Variants in FGF14 observed in about 807,000 individuals in gnomAD.
FGF14 encodes the protein fibroblast growth factor homologous factor 4.
FGF14 carries 5 observed loss-of-function variants against 25.5 expected under a neutral mutation model. The ratio of observed to expected loss-of-function variants is 0.20; its 90% CI spans 0.10 to 0.41. The LOEUF is 0.41. Ranked by LOEUF, FGF14 falls within the 10% of genes least tolerant of loss-of-function variation. The pLI is 1.00. For missense variants in FGF14, 222 were observed against 320.1 expected (o/e 0.69, Z 2.34); for synonymous variants, 138 against 118.3 (o/e 1.17, Z -1.08).
intron 1 of FGF14, among the ~76,000 whole-genome samples, chr13:102,181,559 C>T (rs3858791): frequency 0.014 from 2,150 of 152,198 alleles, 50 homozygotes; most frequent in African/African-American, 0.046. Flanking sequence ...GGAGAGGAGG[C>T]GTTGTGCTGA....
chr13:102,117,071 C>T (rs150976467), intron 1 of FGF14, among the ~76,000 whole-genome samples: 20 of 152,292 alleles, frequency 1.3e-4, no homozygotes, highest in Non-Finnish European at 1.8e-4. Context: ...CCTGAGCCTA[C>T]GTTTTGCCTC....
chr13:102,090,832 C>T (rs775139397), intron 1 of FGF14, among the ~76,000 whole-genome samples: 4 of 152,234 alleles, frequency 2.6e-5, no homozygotes, highest in Admixed American at 6.5e-5. Context: ...TTTGTGTTTA[C>T]AAGCCTTGAA....
chr13:101,917,518 G>A (rs2033655522), upstream of FGF14, among the ~76,000 whole-genome samples: 1 of 152,014 alleles, frequency 6.6e-6, no homozygotes, highest in South Asian at 2.1e-4. Flanking sequence ...GGCTTGGTTG[G>A]GGCTTCTCGG....
intron 1 of FGF14, among the ~76,000 whole-genome samples, chr13:102,380,854 C>T (rs1431370191): frequency 1.3e-5 from 2 of 152,064 alleles, no homozygotes; most frequent in Non-Finnish European, 2.9e-5. Context: ...AGAGTCAGAA[C>T]CATTTTTAAT....
chr13:102,179,641 G>C lies in FGF14; in HGVS notation c.208+221830C>G, dbSNP rs867862553. Among the ~76,000 whole-genome samples the C allele has an allele frequency of 7.9e-5, 12 of 152,128 alleles. No individual in the cohort carries two copies. The South Asian group carries it at 1.4e-3, about 18-fold the overall frequency. On this transcript the variant is annotated intron_variant, in intron 1 of 4. Transcript: ENST00000376131. The stretch of plus-strand genomic sequence containing the variant: ...TCAGGGAAGTAAATTGAGACTTACA[G>C]TGGTTAAGTGATCTGTTGTGAAGTA...
intron 1 of FGF14, among the ~76,000 whole-genome samples, chr13:102,208,901 T>C (rs1488739914): frequency 1.3e-5 from 2 of 152,184 alleles, no homozygotes; most frequent in Non-Finnish European, 2.9e-5. Context: ...AACCACAATA[T>C]ATGAAATAGG....
rs1433293147 is a variant in FGF14, at chr13:101,850,481, T to C, written c.408+18244A>G. On this transcript the variant is annotated intron_variant, in intron 3 of 4. Coordinates refer to ENST00000376143, the MANE Select transcript of FGF14 (RefSeq NM_004115.4). ...AAGGCAATATATATATATATATATATATATATATATATATATATATATATA... is the reference window on the plus strand; with the variant it reads ...AAGGCAATATATATATATATATATACATATATATATATATATATATATATA... Among the ~76,000 whole-genome samples the C allele has an allele frequency of 2.9e-3, 3 of 1,034 alleles. 1 individual carries two copies. Among genetic ancestry groups the C allele is most frequent in the East Asian group, 0.033 (1 of 30 alleles). 0.7% of individuals were successfully genotyped at this position (1,034 alleles called of 152,430 possible).
intron 1 of FGF14, among the ~76,000 whole-genome samples, chr13:102,030,971 C>T (rs2041179786): frequency 1.3e-5 from 2 of 152,032 alleles, no homozygotes; most frequent in Admixed American, 1.3e-4. Context: ...TGCTGTCTCC[C>T]CATGAAACAT....
chr13:101,769,119 T>C lies in FGF14; in HGVS notation c.409-42309A>G, dbSNP rs143790711. On this transcript the variant is annotated intron_variant, in intron 3 of 4. Coordinates refer to ENST00000376143, the MANE Select transcript of FGF14 (RefSeq NM_004115.4). Reference sequence around the variant, plus strand: ...CTTAAAGCCCAGTAATAAAAAACAATGCAAGTTGATTTAAAAATGGACCAA... The same window carrying C: ...CTTAAAGCCCAGTAATAAAAAACAACGCAAGTTGATTTAAAAATGGACCAA... Among the ~76,000 whole-genome samples the C allele has an allele frequency of 1.6e-3, 238 of 152,168 alleles. 1 individual carries two copies. Among genetic ancestry groups the C allele is most frequent in the African/African-American group, 5.4e-3 (225 of 41,552 alleles).
At chr13:102,378,309 AG>A (rs2058088226) in intron 1 of FGF14, among the ~76,000 whole-genome samples, 2 of 152,106 alleles carry the variant, frequency 1.3e-5, no homozygotes, top group Non-Finnish European at 2.9e-5. Context: ...AAAGGGTATA[AG>A]GGAAATCTCT....
Position 101,718,617 on chromosome 13 carries a change from A to G in FGF14, c.*4214T>C, listed in dbSNP as rs1358520652. On this transcript the variant is annotated 3_prime_UTR_variant, in exon 5 of 5. Coordinates refer to ENST00000376143, the MANE Select transcript of FGF14 (RefSeq NM_004115.4). ...AGAGACTTTTTCAAAAAAGTCAACT[A>G]AAGTGCTAAGTCATAAGAGGAGAGC... is the stretch of plus-strand genomic sequence containing the variant. 2.0e-5 allele frequency: 3 copies of G among 151,880 alleles called. No individual in the cohort carries two copies. In the South Asian group the frequency reaches 6.2e-4, roughly 31 times the overall value. 9.4% of individuals were successfully genotyped at this position (151,880 alleles called of 1,614,324 possible).
At chr13:102,186,369 A>C (rs575700870) in intron 1 of FGF14, among the ~76,000 whole-genome samples, 1 of 152,170 alleles carries the variant, frequency 6.6e-6, no homozygotes, top group Admixed American at 6.6e-5. Flanking sequence ...CTGACTGCCA[A>C]TGTTGACAAC....
chr13:101,921,061 T>G (rs565050979), upstream of FGF14, among the ~76,000 whole-genome samples: 4 of 116,080 alleles, frequency 3.4e-5, no homozygotes, highest in African/African-American at 1.6e-4. Context: ...CACACTCCTC[T>G]TGATGATTAA....
Position 101,714,445 on chromosome 13 carries a change from T to A in FGF14, c.*8386A>T. 1 of 1,596,358 alleles carries A rather than the reference T, an allele frequency of 6.3e-7. No homozygotes were observed. The highest frequency in any genetic ancestry group is 8.6e-7 in the Non-Finnish European group (1 of 1,164,044). On this transcript the variant is annotated 3_prime_UTR_variant, in exon 5 of 5. Coordinates refer to ENST00000376143, the MANE Select transcript of FGF14 (RefSeq NM_004115.4). ...TAGCCTTTGTAATTTCAGGTTCTTG[T>A]CATTGTGGGAAGTGCATTTGTTCTG... is the stretch of plus-strand genomic sequence containing the variant.
intron 1 of FGF14, chr13:102,292,296 A>G (rs986996634): frequency 6.6e-6 from 1 of 151,076 alleles, no homozygotes; most frequent in Non-Finnish European, 1.5e-5. Context: ...AAAAAAAAAA[A>G]AAAAAAAAAC....
chr13:101,949,228 G>C (rs896517234), intron 1 of FGF14, among the ~76,000 whole-genome samples: 1 of 152,138 alleles, frequency 6.6e-6, no homozygotes, highest in Non-Finnish European at 1.5e-5. Flanking sequence ...AAATCGAAAA[G>C]GTGGCCCAAT....
intron 1 of FGF14, among the ~76,000 whole-genome samples, chr13:102,144,844 C>T (rs1035094831): frequency 2.6e-5 from 4 of 152,106 alleles, no homozygotes; most frequent in Non-Finnish European, 1.5e-5. Flanking sequence ...AAGAACATCA[C>T]ATAAACACAA....
At chr13:102,230,426 C>A (rs1225638726) in intron 1 of FGF14, among the ~76,000 whole-genome samples, 2 of 152,112 alleles carry the variant, frequency 1.3e-5, no homozygotes, top group African/African-American at 4.8e-5. Flanking sequence ...ACAAACACTG[C>A]AATTACAAAG....
chr13:102,256,930 T>A (rs2052469857), intron 1 of FGF14, among the ~76,000 whole-genome samples: 1 of 152,226 alleles, frequency 6.6e-6, no homozygotes, highest in South Asian at 2.1e-4. Flanking sequence ...AAATAAATCA[T>A]ATTTTTGCTC....
Sources: gnomAD v4.1 joint callset for allele counts (sites outside exome capture counted in the v4.1 genomes callset) on GRCh38, gnomAD v4.1.1 for gene constraint, MANE v1.5 for transcripts, NCBI Gene and HGNC (gene_info 2026-07-23, HGNC 2026-07-21) for gene names.